PHF14: variants seen among roughly 807,000 people sequenced by gnomAD.
PHF14 encodes PHD finger protein 14.
Under a neutral mutation model 117.9 loss-of-function variants are expected in PHF14, and 55 were observed. The ratio of observed to expected loss-of-function variants is 0.47; its 90% confidence interval spans 0.38 to 0.58. The LOEUF (loss-of-function observed/expected upper bound fraction) is 0.58, where lower values mean the gene tolerates loss of function less well. Among genes scored for constraint, PHF14 ranks in the 20% least tolerant of loss-of-function variants. The pLI, the probability that PHF14 is intolerant of heterozygous loss-of-function variation, is 0.00. For missense variants in PHF14, 978 were observed against 1,122.2 expected (o/e 0.87, Z 1.84); for synonymous variants, 409 against 368.6 (o/e 1.11, Z -1.26).
At position 11,061,969 on chromosome 7, in the gene PHF14, A is replaced by G; in HGVS notation, c.2538A>G (p.Arg846=). The change falls in exon 16 of 18, where the codon AGA becomes AGG. Residue 846 remains arginine (R), a synonymous_variant. Coordinates refer to ENST00000634607, the MANE Select transcript of PHF14 (RefSeq NM_001007157.2). The part of the protein sequence containing the change: ...FVPEEEKHEE[R]VPRERRQRQS... ...TATTATCCCTTGTATGGCAGGAAAG[A>G]GTTCCTAGAGAGAGAAGACAAAGAC... The G allele has an allele frequency of 6.3e-7, 1 of 1,592,432 alleles. No individual in the cohort carries two copies. The highest frequency in any genetic ancestry group is 8.6e-7 in the Non-Finnish European group (1 of 1,168,772).
At chr7:11,051,910 AT>A (rs571821485) in intron 14 of PHF14, 130 bp downstream of exon 14, 55 of 704,282 alleles carry the variant, frequency 7.8e-5, no homozygotes, top group African/African-American at 5.0e-4. Context: ...ATTCTTAACA[AT>A]TTTTTTTCTA....
At chr7:11,016,829 G>A (rs1783551567) in intron 5 of PHF14, among the ~76,000 whole-genome samples, 1 of 152,004 alleles carries the variant, frequency 6.6e-6, no homozygotes, top group Admixed American at 6.6e-5. Context: ...TAAACAGTAG[G>A]TCTTAGTCTT....
chr7:11,040,701 A>C lies in PHF14; in HGVS notation c.2106A>C (p.Ala702=). 1 of 1,565,012 alleles carries C rather than the reference A, an allele frequency of 6.4e-7. No homozygotes were observed. Among genetic ancestry groups the C allele is most frequent in the Non-Finnish European group, 8.7e-7 (1 of 1,153,938 alleles). ...TGAATATACCGGCAATTTTGCGAGCACCCAAGGAGAGAAAACCAAGTAAAA... is the reference window on the plus strand; with the variant it reads ...TGAATATACCGGCAATTTTGCGAGCCCCCAAGGAGAGAAAACCAAGTAAAA... ...QKLNIPAILR[A]PKERKPSKKE... The change falls in exon 12 of 18, where the codon GCA becomes GCC. Residue 702 remains alanine (A), a synonymous_variant. Coordinates refer to ENST00000634607, the MANE Select transcript of PHF14 (RefSeq NM_001007157.2).
At chr7:11,005,496 T>G (rs1309057208) in intron 4 of PHF14, among the ~76,000 whole-genome samples, 1 of 152,202 alleles carries the variant, frequency 6.6e-6, no homozygotes, top group Non-Finnish European at 1.5e-5. Context: ...TCTCTCACTG[T>G]TTCTCTGTTT....
At chr7:11,119,857 C>T (rs573275790) in intron 17 of PHF14, among the ~76,000 whole-genome samples, 168 of 151,912 alleles carry the variant, frequency 1.1e-3, no homozygotes, top group African/African-American at 3.9e-3. Context: ...TCTTTGAAAT[C>T]AAATATAGTT....
chr7:11,018,991 A>G (rs191481650), intron 5 of PHF14, among the ~76,000 whole-genome samples: 64 of 152,324 alleles, frequency 4.2e-4, no homozygotes, highest in Admixed American at 4.2e-3. Context: ...ATCAGTTGAA[A>G]TGATCATATG....
chr7:11,149,691 A>G (rs1329625999), intron 17 of PHF14, among the ~76,000 whole-genome samples: 1 of 152,162 alleles, frequency 6.6e-6, no homozygotes, highest in Admixed American at 6.6e-5. Flanking sequence ...GCTGATACAG[A>G]ATTTAAAAGT....
chr7:11,155,086 A>T (rs1788804438), intron 17 of PHF14, among the ~76,000 whole-genome samples: 1 of 152,182 alleles, frequency 6.6e-6, no homozygotes, highest in Admixed American at 6.5e-5. Context: ...GCCTAGAAAG[A>T]GGAAAGAATA....
intron 5 of PHF14, 129 bp from the exon 6 acceptor site, chr7:11,022,739 G>T (rs550007366): frequency 6.2e-6 from 3 of 484,098 alleles, no homozygotes; most frequent in Admixed American, 3.9e-5. Context: ...CTGAGATTGC[G>T]AGATTTTAAC....
intron 17 of PHF14, among the ~76,000 whole-genome samples, chr7:11,114,494 A>T (rs915227474): frequency 1.3e-5 from 2 of 152,068 alleles, no homozygotes; most frequent in African/African-American, 4.8e-5. Flanking sequence ...TGAATTCATA[A>T]TTTTTTGTTT....
At chr7:10,980,154 G>A (rs1033362635) in intron 2 of PHF14, among the ~76,000 whole-genome samples, 3 of 152,072 alleles carry the variant, frequency 2.0e-5, no homozygotes, top group East Asian at 1.9e-4. Context: ...AGTTGGATTG[G>A]TCTCAATTTT....
chr7:11,134,590 G>A (rs1788167037), intron 17 of PHF14, among the ~76,000 whole-genome samples: 2 of 151,888 alleles, frequency 1.3e-5, no homozygotes, highest in African/African-American at 4.8e-5. Context: ...GACTTGGAGC[G>A]GTAACCTCAG....
intron 17 of PHF14, among the ~76,000 whole-genome samples, chr7:11,128,730 TCC>T (rs112049318): frequency 7.9e-5 from 12 of 151,002 alleles, no homozygotes; most frequent in African/African-American, 2.7e-4. Context: ...CCTCCCGTTC[TCC>T]TTCCGTCTCT....
chr7:11,028,579 G>C (rs1203730689), intron 6 of PHF14, 102 bp from the exon 7 acceptor site: 2 of 1,039,616 alleles, frequency 1.9e-6, no homozygotes, highest in African/African-American at 3.2e-5. Context: ...TTCATTATTT[G>C]TATTTAGCAT....
intron 16 of PHF14, among the ~76,000 whole-genome samples, chr7:11,098,934 C>T (rs955993198): frequency 4.6e-5 from 7 of 151,738 alleles, no homozygotes; most frequent in East Asian, 1.9e-4. Context: ...TTGTATGTCA[C>T]GAAGAGATTA....
chr7:10,979,450 T>A (rs1583322813), intron 2 of PHF14, among the ~76,000 whole-genome samples: 1 of 67,026 alleles, frequency 1.5e-5, no homozygotes, highest in Non-Finnish European at 4.4e-5. Context: ...TAAAGATATA[T>A]TTTTTTCAAA....
intron 5 of PHF14, among the ~76,000 whole-genome samples, chr7:11,015,821 A>ATT (rs200930490): frequency 2.4e-4 from 31 of 131,272 alleles, no homozygotes; most frequent in South Asian, 7.1e-4. Flanking sequence ...TCATGCATAG[A>ATT]TTTTTTTTTT....
At chr7:10,997,322 G>A (rs1250069855) in intron 4 of PHF14, among the ~76,000 whole-genome samples, 1 of 152,108 alleles carries the variant, frequency 6.6e-6, no homozygotes, top group African/African-American at 2.4e-5. Context: ...ATAAAAGAAG[G>A]GAAAGTGCAA....
chr7:11,074,306 G>A (rs1357678229), intron 16 of PHF14, among the ~76,000 whole-genome samples: 2 of 151,612 alleles, frequency 1.3e-5, no homozygotes, highest in Non-Finnish European at 2.9e-5. Context: ...TGCCTCCCGG[G>A]TTCATACCAT....
Sources: gnomAD v4.1 joint callset for allele counts (sites outside exome capture counted in the v4.1 genomes callset) on GRCh38, gnomAD v4.1.1 for gene constraint, MANE v1.5 for transcripts, NCBI Gene and HGNC (gene_info 2026-07-23, HGNC 2026-07-21) for gene names.